CLVS1: variants seen among roughly 807,000 people sequenced by gnomAD.
The protein encoded by CLVS1 is clavesin-1.
In CLVS1, 10 loss-of-function variants were observed where a neutral mutation model predicts 33.1. That is an observed-to-expected ratio of 0.30 (90% CI 0.19 to 0.51). The LOEUF is 0.51. Ranked by LOEUF, CLVS1 falls within the 20% of genes least tolerant of loss-of-function variation. The pLI is 0.97. For synonymous variants in CLVS1, 163 were observed against 166.1 expected, an observed-to-expected ratio of 0.98 and a Z score of 0.14; for missense variants, 343 against 433.4, an observed-to-expected ratio of 0.79 and a Z score of 1.85.
intron 2 of CLVS1, among the ~76,000 whole-genome samples, chr8:61,326,225 C>G (rs1811380306): frequency 1.3e-5 from 2 of 152,204 alleles, no homozygotes; most frequent in African/African-American, 4.8e-5. Flanking sequence ...TTTTGAATAG[C>G]AAGCTACATC....
the CLVS1 span, among the ~76,000 whole-genome samples, chr8:61,042,607 A>G: frequency 1.9e-5 from 2 of 102,748 alleles, no homozygotes; most frequent in Non-Finnish European, 3.6e-5. Context: ...GGGGGATTTC[A>G]TCATATGAAT....
intron 3 of CLVS1, among the ~76,000 whole-genome samples, chr8:61,393,721 G>A (rs1203454367): frequency 1.3e-5 from 2 of 152,162 alleles, no homozygotes; most frequent in African/African-American, 4.8e-5. Context: ...CCTGACTGGT[G>A]CTGGAGAATG....
chr8:61,407,192 A>G (rs1443846777), intron 3 of CLVS1, among the ~76,000 whole-genome samples: 1 of 152,232 alleles, frequency 6.6e-6, no homozygotes, highest in Non-Finnish European at 1.5e-5. Context: ...TGCCTAACAT[A>G]TGAAGAATAC....
the CLVS1 span, among the ~76,000 whole-genome samples, chr8:61,029,108 A>G: frequency 6.6e-6 from 1 of 152,244 alleles, no homozygotes; most frequent in South Asian, 2.1e-4. Flanking sequence ...GCTGAATGTC[A>G]TATGTGTGTC....
the CLVS1 span, among the ~76,000 whole-genome samples, chr8:61,030,051 C>T: frequency 1.3e-5 from 2 of 152,212 alleles, no homozygotes; most frequent in Non-Finnish European, 2.9e-5. Context: ...GCCCAGCCGG[C>T]CTCTGCACCC....
chr8:61,132,271 C>T (rs11992507), intron 2 of CLVS1, among the ~76,000 whole-genome samples: 7,234 of 152,276 alleles, frequency 0.048, 544 homozygotes, highest in African/African-American at 0.16. Flanking sequence ...CAGGCTGAGC[C>T]GGGATCAGCT....
intron 5 of CLVS1, among the ~76,000 whole-genome samples, chr8:61,494,499 G>A (rs1563579667): frequency 1.3e-5 from 2 of 152,160 alleles, no homozygotes; most frequent in Admixed American, 6.5e-5. Flanking sequence ...TGTTTTAGCA[G>A]ACATGTTAAG....
At chr8:61,077,482 A>G (rs1563393969) in intron 1 of CLVS1, among the ~76,000 whole-genome samples, 2 of 117,662 alleles carry the variant, frequency 1.7e-5, no homozygotes, top group Non-Finnish European at 1.7e-5. Context: ...TATTATTATT[A>G]TTATTATTAT....
chr8:61,276,933 TTCTC>T (rs1156481441), intron 2 of CLVS1, among the ~76,000 whole-genome samples: 1 of 152,218 alleles, frequency 6.6e-6, no homozygotes, highest in African/African-American at 2.4e-5. Context: ...GCTGCTATTG[TTCTC>T]TCTGTCAAAT....
the CLVS1 span, among the ~76,000 whole-genome samples, chr8:61,039,244 A>G: frequency 6.6e-6 from 1 of 152,248 alleles, no homozygotes; most frequent in Non-Finnish European, 1.5e-5. Flanking sequence ...ACTCCAAGAG[A>G]CGCATTCTAG....
At chr8:61,120,160 C>T (rs1472733596) in intron 1 of CLVS1, among the ~76,000 whole-genome samples, 38 of 145,780 alleles carry the variant, frequency 2.6e-4, no homozygotes, top group African/African-American at 6.7e-4. Context: ...TCCAGTTGAT[C>T]GCATCGGCTC....
chr8:61,351,990 AG>A (rs1812489109), intron 2 of CLVS1, among the ~76,000 whole-genome samples: 1 of 152,130 alleles, frequency 6.6e-6, no homozygotes, highest in African/African-American at 2.4e-5. Context: ...AATATCAGGA[AG>A]AAGGAACAAG....
the CLVS1 span, among the ~76,000 whole-genome samples, chr8:61,033,066 A>G: frequency 9.2e-5 from 11 of 120,112 alleles, no homozygotes; most frequent in Non-Finnish European, 1.3e-4. Context: ...AAAGATAGAA[A>G]GAAAGAAGGA....
chr8:61,345,409 T>G lies in CLVS1; in HGVS notation c.456-31196T>G, dbSNP rs1046738496. Among the ~76,000 whole-genome samples, 240 of 152,240 alleles carry G rather than the reference T, an allele frequency of 1.6e-3. 5 individuals are homozygous for G. Among genetic ancestry groups the G allele is most frequent in the Non-Finnish European group, 4.4e-5 (3 of 68,008 alleles). On this transcript the variant is annotated intron_variant, in intron 2 of 5. Coordinates refer to ENST00000325897, the MANE Select transcript of CLVS1 (RefSeq NM_173519.3). ...AAGAATCCCAATACGACAAGTGCAATGTAGTAGGACGCTCTGATAGGCTGA... is the reference window on the plus strand; with the variant it reads ...AAGAATCCCAATACGACAAGTGCAAGGTAGTAGGACGCTCTGATAGGCTGA...
At chr8:61,325,153 C>T (rs1811337029) in intron 2 of CLVS1, among the ~76,000 whole-genome samples, 1 of 152,004 alleles carries the variant, frequency 6.6e-6, no homozygotes, top group Non-Finnish European at 1.5e-5. Flanking sequence ...CCTGGTTCTC[C>T]CCTCTGAGAC....
At chr8:61,074,024 A>AAG (rs1340496358) in intron 1 of CLVS1, among the ~76,000 whole-genome samples, 2 of 150,628 alleles carry the variant, frequency 1.3e-5, no homozygotes, top group African/African-American at 4.9e-5. Context: ...AAAAAAAAAA[A>AAG]AAAAAAATTA....
chr8:61,262,899 C>T (rs1809235270), intron 2 of CLVS1, among the ~76,000 whole-genome samples: 1 of 152,176 alleles, frequency 6.6e-6, no homozygotes, highest in African/African-American at 2.4e-5. Context: ...TACGCATCTG[C>T]TCCTGATGTA....
At chr8:61,080,103 C>T (rs1804995098) in intron 1 of CLVS1, among the ~76,000 whole-genome samples, 1 of 152,102 alleles carries the variant, frequency 6.6e-6, no homozygotes, top group African/African-American at 2.4e-5. Context: ...CGTGAATATT[C>T]TTCTTAATAT....
intron 3 of CLVS1, among the ~76,000 whole-genome samples, chr8:61,447,312 T>C (rs1816790565): frequency 6.6e-6 from 1 of 152,078 alleles, no homozygotes; most frequent in South Asian, 2.1e-4. Flanking sequence ...ATATAGCAGA[T>C]CATGTTTTTT....
Sources: gnomAD v4.1 joint callset for allele counts (sites outside exome capture counted in the v4.1 genomes callset) on GRCh38, gnomAD v4.1.1 for gene constraint, MANE v1.5 for transcripts, NCBI Gene and HGNC (gene_info 2026-07-23, HGNC 2026-07-21) for gene names.